NCALD: variants seen among roughly 807,000 people sequenced by gnomAD.
NCALD encodes the protein neurocalcin-delta.
In NCALD, 10 loss-of-function variants were observed where a neutral mutation model predicts 18.6. That is an observed-to-expected ratio of 0.54 (90% CI 0.33 to 0.91). NCALD has a LOEUF of 0.91. Ranked by LOEUF, NCALD falls within the 40% of genes least tolerant of loss-of-function variation. NCALD has a pLI of 0.03. For synonymous variants in NCALD, 88 were observed against 87.4 expected (o/e 1.01, Z -0.04); for missense variants, 184 against 247.6 (o/e 0.74, Z 1.72).
At chr8:102,053,014 G>A (rs955874554) in intron 1 of NCALD, among the ~76,000 whole-genome samples, 49 of 152,316 alleles carry the variant, frequency 3.2e-4, no homozygotes, top group Non-Finnish European at 1.9e-4. Context: ...GCCAGAGTTT[G>A]CCCTAAAAGA....
intron 1 of NCALD, among the ~76,000 whole-genome samples, chr8:101,780,183 C>T (rs1289112027): frequency 6.6e-6 from 1 of 152,064 alleles, no homozygotes; most frequent in African/African-American, 2.4e-5. Flanking sequence ...TAACATAAGA[C>T]TATCTGGGTA....
chr8:101,902,272 GTTT>G lies in NCALD; in HGVS notation c.-107+13534_-107+13536del, dbSNP rs71268535. Among the ~76,000 whole-genome samples, 142 of 112,104 alleles carry G rather than the reference GTTT, an allele frequency of 1.3e-3. No homozygotes were observed. In the South Asian group the frequency reaches 0.013, roughly 11 times the overall value. 73.5% of individuals were successfully genotyped at this position (112,104 alleles called of 152,430 possible). On this transcript the variant is annotated intron_variant, in intron 3 of 6. Transcript: ENST00000311028. ...ATTCTCATGTTAGCCCATCCACTGA[GTTT>G]TTTTTTTTTTTTTTTTAACTTCATT...
At chr8:101,786,375 A>T (rs1223323679) in intron 1 of NCALD, among the ~76,000 whole-genome samples, 1 of 152,198 alleles carries the variant, frequency 6.6e-6, no homozygotes, top group East Asian at 1.9e-4. Flanking sequence ...CTGTGAATGC[A>T]GTAGTCCGTT....
intron 2 of NCALD, among the ~76,000 whole-genome samples, chr8:102,019,455 T>C (rs1043839523): frequency 2.0e-5 from 3 of 152,150 alleles, no homozygotes; most frequent in South Asian, 2.1e-4. Flanking sequence ...TATATGTAAC[T>C]AAAAACATAA....
chr8:102,024,043 C>T (rs1262914546), intron 1 of NCALD, among the ~76,000 whole-genome samples: 3 of 152,190 alleles, frequency 2.0e-5, no homozygotes, highest in African/African-American at 4.8e-5. Flanking sequence ...AGTGCTGAAT[C>T]TAATCCTTGT....
intron 1 of NCALD, among the ~76,000 whole-genome samples, chr8:102,107,806 C>G (rs1015731855): frequency 6.6e-6 from 1 of 152,190 alleles, no homozygotes; most frequent in African/African-American, 2.4e-5. Context: ...CCTGCCACAA[C>G]TTGTGTCCTT....
intron 2 of NCALD, among the ~76,000 whole-genome samples, chr8:102,005,293 C>T (rs374602448): frequency 2.0e-5 from 3 of 152,164 alleles, no homozygotes; most frequent in East Asian, 1.9e-4. Flanking sequence ...TCATTACTGG[C>T]CATCAGAGAA....
chr8:102,001,251 C>T (rs541178888), intron 2 of NCALD, among the ~76,000 whole-genome samples: 4 of 152,148 alleles, frequency 2.6e-5, no homozygotes, highest in Admixed American at 6.5e-5. Context: ...GTAGCTGATT[C>T]GATCAACTGG....
At chr8:101,794,563 G>A (rs976125366), upstream of NCALD, among the ~76,000 whole-genome samples, 9 of 152,206 alleles carry the variant, frequency 5.9e-5, no homozygotes, top group African/African-American at 2.2e-4. Context: ...TAAGTTATAT[G>A]TGGATGTATT....
intron 1 of NCALD, among the ~76,000 whole-genome samples, chr8:102,046,343 G>A (rs1823238928): frequency 6.6e-6 from 1 of 152,008 alleles, no homozygotes; most frequent in Non-Finnish European, 1.5e-5. Flanking sequence ...GCTCATGTAT[G>A]TACTCTCCAT....
At chr8:101,829,981 T>TG (rs1814104708) in intron 4 of NCALD, among the ~76,000 whole-genome samples, 1 of 151,298 alleles carries the variant, frequency 6.6e-6, no homozygotes, top group African/African-American at 2.4e-5. Flanking sequence ...TGGGTTTTTT[T>TG]TTTTTTTTTT....
intron 1 of NCALD, among the ~76,000 whole-genome samples, chr8:102,117,216 T>C (rs1825815610): frequency 6.6e-6 from 1 of 152,150 alleles, no homozygotes; most frequent in Non-Finnish European, 1.5e-5. Flanking sequence ...AGGAAACAAA[T>C]ATAAGCTTAC....
intron 4 of NCALD, among the ~76,000 whole-genome samples, chr8:101,874,714 G>A (rs934519811): frequency 2.4e-4 from 37 of 152,130 alleles, no homozygotes; most frequent in Admixed American, 1.2e-3. Flanking sequence ...TTTTTGTAGA[G>A]ACGAGGTCTT....
intron 4 of NCALD, among the ~76,000 whole-genome samples, chr8:101,850,255 T>C (rs1378380704): frequency 6.6e-6 from 1 of 152,162 alleles, no homozygotes; most frequent in Non-Finnish European, 1.5e-5. Flanking sequence ...GAAGCACTCC[T>C]TAGATGAAGC....
chr8:101,736,706 A>G (rs372508728), intron 1 of NCALD, among the ~76,000 whole-genome samples: 38 of 152,282 alleles, frequency 2.5e-4, no homozygotes, highest in African/African-American at 8.7e-4. Flanking sequence ...GGGGTTTTCA[A>G]GGCCCATCAA....
At chr8:101,991,542 C>T (rs1326159027) in intron 2 of NCALD, among the ~76,000 whole-genome samples, 2 of 152,192 alleles carry the variant, frequency 1.3e-5, no homozygotes, top group African/African-American at 2.4e-5. Flanking sequence ...ATAAATAGTA[C>T]CAATTCATGT....
intron 1 of NCALD, among the ~76,000 whole-genome samples, chr8:102,118,430 T>C (rs145918111): frequency 6.6e-6 from 1 of 152,242 alleles, no homozygotes; most frequent in East Asian, 1.9e-4. Context: ...GTTACTGCCT[T>C]CTGAGCAGTT....
intron 4 of NCALD, among the ~76,000 whole-genome samples, chr8:101,855,916 T>C (rs917923212): frequency 6.6e-6 from 1 of 152,198 alleles, no homozygotes; most frequent in Non-Finnish European, 1.5e-5. Context: ...CATTTTCCCT[T>C]CCTTTATTTG....
In NCALD at chr8:101,689,368, T is replaced by A; in HGVS notation, c.523A>T (p.Ser175Cys). 6.2e-7 allele frequency: 1 copy of A among 1,612,428 alleles called. No individual in the cohort carries two copies. Among genetic ancestry groups the A allele is most frequent in the Non-Finnish European group, 8.5e-7 (1 of 1,179,238 alleles). Reference protein sequence around the residue: ...SLEEFIRGAKSDPSIVRLLQC... With the variant: ...SLEEFIRGAKCDPSIVRLLQC... ...AGGAGGCGCACAATGGACGGGTCGC[T>A]TTTGGCTCCTCGGATGAACTCTTCC... Residue 175 changes from serine (S) to cysteine (C), a missense_variant, in exon 4 of 4, where the codon AGC becomes TGC. Physicochemically the swap from Ser to Cys is moderately radical, Grantham distance 112. Coordinates refer to ENST00000220931, the MANE Select transcript of NCALD (RefSeq NM_032041.3). This position sits in a 1 kb window ranked among gnomAD's most constrained non-coding sequence, Gnocchi z 4.4.
Sources: allele counts gnomAD v4.1 joint callset (sites outside exome capture counted in the v4.1 genomes callset), GRCh38; gene constraint gnomAD v4.1.1; non-coding constraint Gnocchi (gnomAD v3.1); transcripts MANE v1.5; gene names NCBI Gene and HGNC (gene_info 2026-07-23, HGNC 2026-07-21).